The following OR52N4 variants were observed in gnomAD, a reference collection of about 807,000 sequenced individuals.
OR52N4 encodes the protein olfactory receptor family 52 subfamily N member 4, also known as olfactory receptor 52N4.
In OR52N4, 15 loss-of-function variants were observed where a neutral mutation model predicts 15.0. That is an observed-to-expected ratio of 1.00 (90% CI 0.67 to 1.54). OR52N4 has a LOEUF of 1.54. Among genes scored for constraint, OR52N4 ranks in the 40% most tolerant of loss-of-function variants. The pLI is 0.00. For synonymous variants in OR52N4, 143 were observed against 143.7 expected, an observed-to-expected ratio of 1.00 and a Z score of 0.03; for missense variants, 421 against 394.0, an observed-to-expected ratio of 1.07 and a Z score of -0.58.
At chr11:5,747,448 C>T in the OR52N4 span, among the ~76,000 whole-genome samples, 5 of 151,876 alleles carry the variant, frequency 3.3e-5, no homozygotes, top group Non-Finnish European at 5.9e-5. Flanking sequence ...AATGTCCTCA[C>T]CACAAAAATG....
chr11:5,748,263 C>A, the OR52N4 span, among the ~76,000 whole-genome samples: 1 of 151,782 alleles, frequency 6.6e-6, no homozygotes, highest in Non-Finnish European at 1.5e-5. Context: ...TAAATCTATA[C>A]CATAACTTCA....
the OR52N4 span, among the ~76,000 whole-genome samples, chr11:5,746,195 A>G: frequency 0.43 from 65,396 of 152,062 alleles, 14,604 homozygotes; most frequent in Non-Finnish European, 0.5. Context: ...AAAACTATAA[A>G]TATCCTAGAA....
the OR52N4 span, chr11:5,738,531 T>C: frequency 6.6e-6 from 1 of 152,084 alleles, no homozygotes; most frequent in Admixed American, 6.6e-5. Context: ...TCACATTTCT[T>C]TGTGCCTTTT....
At chr11:5,744,942 A>G in the OR52N4 span, among the ~76,000 whole-genome samples, 2 of 152,142 alleles carry the variant, frequency 1.3e-5, no homozygotes, top group African/African-American at 4.8e-5. Flanking sequence ...AACAAACAAA[A>G]AACATATAAT....
chr11:5,737,178 G>A, the OR52N4 span: 1,553 of 1,613,956 alleles, frequency 9.6e-4, 11 homozygotes, highest in African/African-American at 0.019. Flanking sequence ...AGTGATCTAA[G>A]TCTTATTATA....
At chr11:5,751,399 G>A (rs1854188699), upstream of OR52N4, among the ~76,000 whole-genome samples, 1 of 151,584 alleles carries the variant, frequency 6.6e-6, no homozygotes, top group East Asian at 1.9e-4. Context: ...TACTTTATGA[G>A]AGAGATGCCT....
the OR52N4 span, among the ~76,000 whole-genome samples, chr11:5,748,503 T>G: frequency 1.4e-3 from 208 of 151,944 alleles, no homozygotes; most frequent in Middle Eastern, 0.017. Context: ...AGTTTAAACT[T>G]TTGATTACAT....
At chr11:5,748,103 A>T in the OR52N4 span, among the ~76,000 whole-genome samples, 3 of 151,960 alleles carry the variant, frequency 2.0e-5, no homozygotes, top group Non-Finnish European at 4.4e-5. Context: ...ATGAACTTTT[A>T]ATCAGCTATA....
chr11:5,738,763 T>C, the OR52N4 span, among the ~76,000 whole-genome samples: 2 of 46,246 alleles, frequency 4.3e-5, no homozygotes, highest in Admixed American at 1.5e-4. Context: ...TTTTCTTTTC[T>C]TTCTTTTTTT....
the OR52N4 span, chr11:5,736,705 T>A: frequency 6.2e-7 from 1 of 1,613,948 alleles, no homozygotes; most frequent in South Asian, 1.1e-5. Context: ...AGAACCCTTC[T>A]TTACAGCAGC....
chr11:5,747,188 T>A, the OR52N4 span, among the ~76,000 whole-genome samples: 1 of 151,550 alleles, frequency 6.6e-6, no homozygotes, highest in Non-Finnish European at 1.5e-5. Flanking sequence ...TTGAAATACA[T>A]TGGTCAAAGG....
the OR52N4 span, among the ~76,000 whole-genome samples, chr11:5,728,223 G>A: frequency 6.6e-6 from 1 of 151,990 alleles, no homozygotes; most frequent in African/African-American, 2.4e-5. Flanking sequence ...TACAATGGGA[G>A]GACCTTTCAG....
the OR52N4 span, among the ~76,000 whole-genome samples, chr11:5,747,521 T>A: frequency 1.3e-5 from 2 of 151,778 alleles, no homozygotes; most frequent in Non-Finnish European, 2.9e-5. Context: ...TATGTGTATA[T>A]ATATGTATAT....
the OR52N4 span, among the ~76,000 whole-genome samples, chr11:5,730,182 A>T: frequency 6.8e-6 from 1 of 147,454 alleles, no homozygotes; most frequent in Admixed American, 7.2e-5. Flanking sequence ...CAAAGCCAGC[A>T]GTAACCATTT....
At chr11:5,743,766 G>A in the OR52N4 span, among the ~76,000 whole-genome samples, 1 of 151,996 alleles carries the variant, frequency 6.6e-6, no homozygotes, top group African/African-American at 2.4e-5. Flanking sequence ...ATTAAATGCC[G>A]ACATTAAAAA....
At chr11:5,737,340 T>A in the OR52N4 span, 1 of 1,614,154 alleles carries the variant, frequency 6.2e-7, no homozygotes, top group Non-Finnish European at 8.5e-7. Context: ...CTGACAGAGA[T>A]GAAGGCTACT....
At chr11:5,748,688 TA>T in the OR52N4 span, among the ~76,000 whole-genome samples, 4 of 152,098 alleles carry the variant, frequency 2.6e-5, no homozygotes, top group Admixed American at 2.0e-4. Context: ...TACATTAATA[TA>T]AAAAAATTTT....
the OR52N4 span, chr11:5,736,660 T>C: frequency 6.2e-7 from 1 of 1,614,024 alleles, no homozygotes; most frequent in African/African-American, 1.3e-5. Context: ...TCTCAGCACT[T>C]GCTGCAAACA....
chr11:5,739,912 G>C, the OR52N4 span, among the ~76,000 whole-genome samples: 1 of 128,378 alleles, frequency 7.8e-6, no homozygotes, highest in South Asian at 2.7e-4. Flanking sequence ...TGAGGACTCT[G>C]AACTGGCCCG....
Sources: allele counts gnomAD v4.1 joint callset (sites outside exome capture counted in the v4.1 genomes callset), GRCh38; gene constraint gnomAD v4.1.1; transcripts MANE v1.5; gene names NCBI Gene and HGNC (gene_info 2026-07-23, HGNC 2026-07-21).